Variants in KPNA1 observed in about 807,000 individuals in gnomAD.
KPNA1 encodes importin subunit alpha-5.
Under a neutral mutation model 70.5 loss-of-function variants are expected in KPNA1, and 10 were observed. That is an observed-to-expected ratio of 0.14 (90% CI 0.09 to 0.24). The LOEUF (loss-of-function observed/expected upper bound fraction) is 0.24, where lower values mean the gene tolerates loss of function less well. Among genes scored for constraint, KPNA1 ranks in the 10% least tolerant of loss-of-function variants. The probability of loss-of-function intolerance (pLI) is 1.00; values close to 1 mark genes in which losing one functional copy is unlikely to be tolerated. For synonymous variants in KPNA1, 192 were observed against 221.9 expected (o/e 0.87, Z 1.20); for missense variants, 397 against 637.9 (o/e 0.62, Z 4.07).
At chr3:122,478,466 A>G (rs2076530872) in intron 2 of KPNA1, among the ~76,000 whole-genome samples, 1 of 151,110 alleles carries the variant, frequency 6.6e-6, no homozygotes, top group African/African-American at 2.4e-5. Flanking sequence ...TATTAATACA[A>G]AAATTTAATC....
At chr3:122,471,737 T>C (rs887886512) in intron 2 of KPNA1, among the ~76,000 whole-genome samples, 8 of 151,872 alleles carry the variant, frequency 5.3e-5, no homozygotes, top group Non-Finnish European at 7.4e-5. Flanking sequence ...AGAGATTGCA[T>C]TGAGCCGAGA....
rs2076070808 is a variant in KPNA1 at position 122,442,055 on chromosome 3, C to A, written c.979G>T (p.Asp327Tyr). The change falls in exon 10 of 14, where the codon GAT becomes TAT. Residue 327 changes from aspartate to tyrosine, a missense_variant. Physicochemically the swap from Asp to Tyr is radical, Grantham distance 160. Transcript: ENST00000344337. ...CTTCATACCTGTGTCTGAATATCAT[C>A]CCCTGTGACAATGTTTCCCACAGCT... Reference protein sequence around the residue: ...LRAVGNIVTGDDIQTQVILNC... With the variant: ...LRAVGNIVTGYDIQTQVILNC... The A allele has an allele frequency of 1.2e-6, 2 of 1,613,358 alleles. No individual in the cohort carries two copies. Among genetic ancestry groups the A allele is most frequent in the Non-Finnish European group, 1.7e-6 (2 of 1,179,342 alleles).
At chr3:122,429,193 G>C (rs2075864072) in intron 12 of KPNA1, among the ~76,000 whole-genome samples, 1 of 152,144 alleles carries the variant, frequency 6.6e-6, no homozygotes, top group African/African-American at 2.4e-5. Context: ...GCTCAAGCCT[G>C]TAATCCCAAC....
intron 5 of KPNA1, among the ~76,000 whole-genome samples, chr3:122,458,821 C>T (rs1453120078): frequency 1.3e-5 from 2 of 152,102 alleles, no homozygotes; most frequent in South Asian, 2.1e-4. Flanking sequence ...ATATATTTGC[C>T]CCCTTGCTTC....
chr3:122,491,722 CA>C lies in KPNA1; in HGVS notation c.129+4714del, dbSNP rs2076700027. ...AAAATGACATTAAATGAAATAATCC[CA>C]AAAAGGTAATAGAGGTCATACAGAA... is the stretch of plus-strand genomic sequence containing the variant. On this transcript the variant is annotated intron_variant, in intron 2 of 13. Transcript: ENST00000344337. Among the ~76,000 whole-genome samples, 2 of 151,944 alleles carry C rather than the reference CA, an allele frequency of 1.3e-5. 1 individual carries two copies. The highest frequency in any genetic ancestry group is 1.3e-4 in the Admixed American group (2 of 15,250).
rs189682563 is a variant in KPNA1, at chr3:122,444,060, G to A, written c.918-1944C>T. Among the ~76,000 whole-genome samples, 5 of 152,304 alleles carry A rather than the reference G, an allele frequency of 3.3e-5. No individual in the cohort carries two copies. In the East Asian group the frequency reaches 5.8e-4, roughly 18 times the overall value. On this transcript the variant is annotated intron_variant, in intron 9 of 13. Transcript: ENST00000344337. ...TGCAAAAGACAGACACTCCCAGAGC[G>A]GCCATTTTAGAGGCCGCCCCCTGGG...
chr3:122,489,399 C>T (rs1393167167), intron 2 of KPNA1, among the ~76,000 whole-genome samples: 1 of 151,880 alleles, frequency 6.6e-6, no homozygotes, highest in African/African-American at 2.4e-5. Flanking sequence ...AAGCCATCCT[C>T]CCACCTCAAC....
At position 122,427,604 on chromosome 3, in the gene KPNA1, C is replaced by T. The variant is rs774614394; in HGVS notation, c.1363G>A (p.Glu455Lys). ...NGLENILRLG[E>K]QEAKRNGTGI... is the part of the protein sequence containing the mutation. ...GTGCCATTCCTTTTGGCTTCCTGTT[C>T]TCCAAGCCTCAGGATATTTTCCAAG... The change falls in exon 13 of 14, where the codon GAA (glutamate) becomes AAA (lysine). Residue 455 changes from glutamate to lysine, a missense_variant. Physicochemically the swap from Glu to Lys is moderately conservative, Grantham distance 56. Coordinates refer to ENST00000344337, the MANE Select transcript of KPNA1 (RefSeq NM_002264.4). 1.2e-5 allele frequency: 20 copies of T among 1,614,040 alleles called. No individual in the cohort carries two copies. Among genetic ancestry groups the T allele is most frequent in the Non-Finnish European group, 1.6e-5 (19 of 1,180,024 alleles).
At chr3:122,488,200 G>T (rs772049677) in intron 2 of KPNA1, among the ~76,000 whole-genome samples, 1 of 152,084 alleles carries the variant, frequency 6.6e-6, no homozygotes, top group Non-Finnish European at 1.5e-5. Flanking sequence ...AGCTGACTGC[G>T]CTCTTTGATG....
At chr3:122,452,710 G>C (rs1217176087) in intron 6 of KPNA1, among the ~76,000 whole-genome samples, 1 of 112,078 alleles carries the variant, frequency 8.9e-6, no homozygotes, top group African/African-American at 3.0e-5. Context: ...ACGGAGAGAC[G>C]GAGGGAAGGA....
intron 1 of KPNA1, among the ~76,000 whole-genome samples, chr3:122,502,003 A>C (rs2076834443): frequency 1.3e-5 from 2 of 152,250 alleles, no homozygotes; most frequent in African/African-American, 4.8e-5. Context: ...CTGCATAAAT[A>C]ATTACATATA....
intron 5 of KPNA1, among the ~76,000 whole-genome samples, chr3:122,457,259 A>C (rs2076274532): frequency 6.6e-6 from 1 of 152,288 alleles, no homozygotes; most frequent in African/African-American, 2.4e-5. Flanking sequence ...ACTAGATTAG[A>C]ATTTAACATG....
At position 122,513,402 on chromosome 3, in the gene KPNA1, C is replaced by G. The variant is rs191600413; in HGVS notation, c.-6+1355G>C. On this transcript the variant is annotated intron_variant, in intron 1 of 13. Transcript: ENST00000344337. ...ATTTCAGTAAAAATACAACAGAACT[C>G]ATTCTTACTTTCCTTTGAAAAATTA... 3.7e-3 allele frequency among the ~76,000 whole-genome samples: 569 copies of G among 152,322 alleles called. 3 individuals carry two copies. Among genetic ancestry groups the G allele is most frequent in the African/African-American group, 0.012 (509 of 41,568 alleles).
intron 4 of KPNA1, among the ~76,000 whole-genome samples, chr3:122,463,330 A>G (rs1471629662): frequency 7.0e-6 from 1 of 142,386 alleles, no homozygotes; most frequent in Non-Finnish European, 1.5e-5. Flanking sequence ...CCTGGGCGAC[A>G]GAGTGAGACT....
At chr3:122,494,745 T>C (rs913501013) in intron 2 of KPNA1, among the ~76,000 whole-genome samples, 2 of 152,106 alleles carry the variant, frequency 1.3e-5, no homozygotes, top group African/African-American at 4.8e-5. Flanking sequence ...TATAATGAAG[T>C]TTAATTACAT....
intron 10 of KPNA1, 113 bp downstream of exon 10, chr3:122,441,925 C>T (rs1313341767): frequency 2.3e-6 from 2 of 859,074 alleles, no homozygotes; most frequent in Non-Finnish European, 3.9e-6. Flanking sequence ...ATTAGTGTAA[C>T]AGAGTATCAA....
intron 2 of KPNA1, among the ~76,000 whole-genome samples, chr3:122,494,301 G>T (rs762708792): frequency 3.9e-5 from 6 of 152,106 alleles, no homozygotes; most frequent in Non-Finnish European, 5.9e-5. Flanking sequence ...AATCCATCTT[G>T]AGTTAATTTT....
At position 122,422,938 on chromosome 3, in the gene KPNA1, T is replaced by C. The variant is rs2075778789; in HGVS notation, c.*4047A>G. ...TCTTCTTACCCCAAGCTTCCAGATG[T>C]ATTTTATGTCCAGTAGCAATTTGAT... is the stretch of plus-strand genomic sequence containing the variant. On this transcript the variant is annotated 3_prime_UTR_variant, in exon 14 of 14. Transcript: ENST00000344337. 1 of 152,236 alleles carries C rather than the reference T, an allele frequency of 6.6e-6. No individual in the cohort carries two copies. The highest frequency in any genetic ancestry group is 1.5e-5 in the Non-Finnish European group (1 of 68,034). The allele number at this position is 152,236 out of a possible 1,614,324, so 9.4% of individuals were successfully genotyped here. A position where few individuals can be genotyped will look rare whatever the true frequency, so the allele number is the denominator to read the frequency against.
chr3:122,427,202 T>C (rs377009022), intron 13 of KPNA1, 30 bp from the exon 14 acceptor site: 23 of 1,522,080 alleles, frequency 1.5e-5, no homozygotes, highest in Non-Finnish European at 1.9e-5. Flanking sequence ...AAAATCTTTA[T>C]TGAAAACTTC....
Sources: gnomAD v4.1 joint callset for allele counts (sites outside exome capture counted in the v4.1 genomes callset) on GRCh38, gnomAD v4.1.1 for gene constraint, MANE v1.5 for transcripts, NCBI Gene and HGNC (gene_info 2026-07-23, HGNC 2026-07-21) for gene names.